Variants in CNTD1 observed in about 807,000 individuals in gnomAD.
CNTD1 encodes the protein cyclin N-terminal domain-containing protein 1.
In CNTD1, 17 loss-of-function variants were observed where a neutral mutation model predicts 36.3. The observed-to-expected ratio is 0.47, with a 90% CI of 0.32 to 0.70. The LOEUF (loss-of-function observed/expected upper bound fraction) is 0.70, where lower values mean the gene tolerates loss of function less well. CNTD1 is among the 30% of genes least tolerant of loss of function. CNTD1 has a pLI of 0.03. For synonymous variants in CNTD1, 128 were observed against 153.3 expected, an observed-to-expected ratio of 0.83 and a Z score of 1.22; for missense variants, 338 against 386.1, an observed-to-expected ratio of 0.88 and a Z score of 1.04.
intron 1 of CNTD1, among the ~76,000 whole-genome samples, chr17:42,801,186 C>CCA (rs2054774716): frequency 1.3e-5 from 1 of 74,152 alleles, no homozygotes; most frequent in Non-Finnish European, 2.8e-5. Context: ...CTCTGTCTCC[C>CCA]AAAAAAAAAA....
chr17:42,810,712 AAAC>A lies in CNTD1; in HGVS notation c.*1180_*1182del. 2.6e-6 allele frequency: 4 copies of A among 1,524,646 alleles called. No homozygotes were observed. Among genetic ancestry groups the A allele is most frequent in the Non-Finnish European group, 3.5e-6 (4 of 1,131,442 alleles). The allele number at this position is 1,524,646 out of a possible 1,614,324, so 94.4% of individuals were successfully genotyped here. On this transcript the variant is annotated 3_prime_UTR_variant, in exon 7 of 7. Coordinates refer to ENST00000588408, the MANE Select transcript of CNTD1 (RefSeq NM_173478.3). ...TTAATTTAAAACATGTTTGCAAACA[AAAC>A]AAAATTAAAAGCCTTTAAGGCAAAC...
intron 6 of CNTD1, 173 bp downstream of exon 6, chr17:42,808,037 T>TGTTTTCCTTTTATAAA (rs2054908908): frequency 1.9e-6 from 1 of 533,940 alleles, no homozygotes; most frequent in South Asian, 2.7e-5. Flanking sequence ...AATGTTTCCT[T>TGTTTTCCTTTTATAAA]GTTTTCCTTT....
In CNTD1 at chr17:42,810,627, CT is replaced by C; in HGVS notation, c.*1096del. Reference sequence around the variant, plus strand: ...CACATGATATTTTAAAATAAAGTGGCTTTTGTGGATTTTTTCTTTTTTGGTA... The same window carrying C: ...CACATGATATTTTAAAATAAAGTGGCTTTGTGGATTTTTTCTTTTTTGGTA... On this transcript the variant is annotated 3_prime_UTR_variant, in exon 7 of 7. Transcript: ENST00000588408. 1 of 951,848 alleles carries C rather than the reference CT, an allele frequency of 1.1e-6. No individual in the cohort carries two copies. The allele number at this position is 951,848 out of a possible 1,614,324, so 59.0% of individuals were successfully genotyped here.
chr17:42,807,923 C>T (rs1380565877), intron 6 of CNTD1, 59 bp downstream of exon 6: 4 of 1,320,202 alleles, frequency 3.0e-6, no homozygotes, highest in Non-Finnish European at 4.4e-6. Context: ...AAGCATTTCA[C>T]CCATCAGTTA....
rs760863948 is a variant in CNTD1 at position 42,810,811 on chromosome 17, C to T, written c.*1276C>T. On this transcript the variant is annotated 3_prime_UTR_variant, in exon 7 of 7. Transcript: ENST00000588408. ...CCCAAGCAAGACCCCACTTAAGATT[C>T]GTCAGCATGAACTTGAGAGCTTTTG... 23 of 1,613,352 alleles carry T rather than the reference C, an allele frequency of 1.4e-5. No individual in the cohort carries two copies. In the African/African-American group the frequency reaches 2.1e-4, roughly 15 times the overall value.
chr17:42,806,566 G>A, intron 4 of CNTD1, 108 bp from the exon 5 acceptor site: 1 of 1,145,536 alleles, frequency 8.7e-7, no homozygotes, highest in Non-Finnish European at 1.3e-6. Context: ...GTAGAACATA[G>A]CAACCAGGAA....
chr17:42,809,270 T>A (rs1182502070), intron 6 of CNTD1, 95 bp from the exon 7 acceptor site: 1 of 1,178,620 alleles, frequency 8.5e-7, no homozygotes, highest in Non-Finnish European at 1.2e-6. Context: ...GAATTTACAA[T>A]TGCCTTGAGA....
intron 1 of CNTD1, among the ~76,000 whole-genome samples, chr17:42,800,853 T>C (rs1188394136): frequency 6.6e-6 from 1 of 152,112 alleles, no homozygotes; most frequent in Non-Finnish European, 1.5e-5. Flanking sequence ...GCTAAACGGT[T>C]GAGCCTGGAA....
intron 6 of CNTD1, 24 bp downstream of exon 6, chr17:42,807,888 G>A (rs375404313): frequency 6.6e-6 from 10 of 1,521,140 alleles, no homozygotes; most frequent in African/African-American, 4.1e-5. Flanking sequence ...AGCAGGACCA[G>A]CATGGTGAGA....
chr17:42,807,895 G>A (rs779635077), intron 6 of CNTD1, 31 bp downstream of exon 6: 3 of 1,492,188 alleles, frequency 2.0e-6, no homozygotes, highest in Non-Finnish European at 1.9e-6. Context: ...CCAGCATGGT[G>A]AGAATTCATT....
Position 42,804,419 on chromosome 17 carries a change from G to A in CNTD1, c.417+23G>A, listed in dbSNP as rs1253358092. 2.5e-6 allele frequency: 4 copies of A among 1,607,486 alleles called. No homozygotes were observed. The East Asian group carries it at 6.7e-5, about 27-fold the overall frequency. On this transcript the variant is annotated intron_variant, in intron 3 of 6. Transcript: ENST00000588408. The stretch of plus-strand genomic sequence containing the variant: ...AAAGTAAGGAGCTGGGGTTGCTCAT[G>A]GGCACCTGAGTGTTAGGAAGAAACC...
chr17:42,805,775 C>G lies in CNTD1; in HGVS notation c.471C>G (p.His157Gln). Residue 157 changes from histidine to glutamine, a missense_variant, in exon 4 of 7, where the codon CAC (histidine) becomes CAG (glutamine). Physicochemically the swap from His to Gln is conservative, Grantham distance 24. Transcript: ENST00000588408. ...TCCTCCAGGCTCTAGGCTATCTACA[C>G]ACTAAAGAAGAACTGCTGGAATCAG... The part of the protein sequence containing the change: ...LNFLQALGYL[H>Q]TKEELLESEL... 1 of 1,613,974 alleles carries G rather than the reference C, an allele frequency of 6.2e-7. No individual in the cohort carries two copies. The highest frequency in any genetic ancestry group is 8.5e-7 in the Non-Finnish European group (1 of 1,179,848).
intron 1 of CNTD1, among the ~76,000 whole-genome samples, chr17:42,800,839 C>T (rs2054766993): frequency 6.6e-6 from 1 of 152,062 alleles, no homozygotes; most frequent in Non-Finnish European, 1.5e-5. Flanking sequence ...GAAAACGTGA[C>T]TATGCTAAAC....
intron 1 of CNTD1, among the ~76,000 whole-genome samples, chr17:42,801,552 ATGTGTG>A (rs144472008): frequency 0.018 from 1,470 of 80,096 alleles, 18 homozygotes; most frequent in Non-Finnish European, 0.026. Context: ...TATATAATAT[ATGTGTG>A]TGTGTGTGTG....
In CNTD1 at chr17:42,811,386, C is replaced by G. The variant is rs1020050531; in HGVS notation, c.*1851C>G. The G allele has an allele frequency of 1.9e-5, 7 of 361,314 alleles. No homozygotes were observed. Among genetic ancestry groups the G allele is most frequent in the Admixed American group, 1.4e-4 (3 of 21,662 alleles). 22.4% of individuals were successfully genotyped at this position (361,314 alleles called of 1,614,324 possible). A position where few individuals can be genotyped will look rare whatever the true frequency, so the allele number is the denominator to read the frequency against. On this transcript the variant is annotated 3_prime_UTR_variant, in exon 7 of 7. Transcript: ENST00000588408. Reference sequence around the variant, plus strand: ...ATTTCCAAGGGCTTCAGGGAAAAACCTTCTTGAAACTGGAGAGGAGGCTTG... The same window carrying G: ...ATTTCCAAGGGCTTCAGGGAAAAACGTTCTTGAAACTGGAGAGGAGGCTTG...
At position 42,804,212 on chromosome 17, in the gene CNTD1, C is replaced by A; in HGVS notation, c.246-13C>A. 1 of 1,607,742 alleles carries A rather than the reference C, an allele frequency of 6.2e-7. No individual in the cohort carries two copies. The highest frequency in any genetic ancestry group is 8.5e-7 in the Non-Finnish European group (1 of 1,176,488). ...TGAGTGAGGATTGTTTACTCTCCCT[C>A]CCTTCCCTACAGGTTTATGGTAAAA... On this transcript the variant is annotated splice_polypyrimidine_tract_variant and intron_variant, in intron 2 of 6. Coordinates refer to ENST00000588408, the MANE Select transcript of CNTD1 (RefSeq NM_173478.3).
chr17:42,808,213 C>T (rs2054912496), intron 6 of CNTD1, among the ~76,000 whole-genome samples: 1 of 151,188 alleles, frequency 6.6e-6, no homozygotes. Flanking sequence ...AGTTCAAGAC[C>T]AGCCTGGTCA....
At position 42,807,749 on chromosome 17, in the gene CNTD1, T is replaced by A; in HGVS notation, c.726-19T>A. 1 of 1,550,666 alleles carries A rather than the reference T, an allele frequency of 6.4e-7. No homozygotes were observed. The highest frequency in any genetic ancestry group is 1.1e-5 in the South Asian group (1 of 89,668). On this transcript the variant is annotated intron_variant, in intron 5 of 6. Coordinates refer to ENST00000588408, the MANE Select transcript of CNTD1 (RefSeq NM_173478.3). ...AGTTCCATTCTAGCTTTAAAATTAA[T>A]GTGGTTTTAATCACTCAGGGAAAAG...
At chr17:42,804,939 T>C (rs991163683) in intron 3 of CNTD1, among the ~76,000 whole-genome samples, 8 of 152,222 alleles carry the variant, frequency 5.3e-5, no homozygotes, top group Admixed American at 4.6e-4. Flanking sequence ...CGCACACACA[T>C]GATCTTTCTC....
Sources: allele counts gnomAD v4.1 joint callset (sites outside exome capture counted in the v4.1 genomes callset), GRCh38; gene constraint gnomAD v4.1.1; transcripts MANE v1.5; gene names NCBI Gene and HGNC (gene_info 2026-07-23, HGNC 2026-07-21).